Variants in VIPR2 observed in about 807,000 individuals in gnomAD.
VIPR2 encodes the protein vasoactive intestinal peptide receptor 2, also known as vasoactive intestinal polypeptide receptor 2.
VIPR2 carries 48 observed loss-of-function variants against 58.0 expected under a neutral mutation model. The observed-to-expected ratio is 0.83, with a 90% CI of 0.66 to 1.05. The LOEUF (loss-of-function observed/expected upper bound fraction) is 1.05, where lower values mean the gene tolerates loss of function less well. VIPR2 is among the 50% of genes least tolerant of loss of function. VIPR2 has a pLI of 0.00. For missense variants in VIPR2, 534 were observed against 558.0 expected (o/e 0.96, Z 0.43); for synonymous variants, 243 against 235.2 (o/e 1.03, Z -0.30).
chr7:159,134,605 G>T (rs1396373996), intron 2 of VIPR2, among the ~76,000 whole-genome samples: 1 of 151,920 alleles, frequency 6.6e-6, no homozygotes, highest in Non-Finnish European at 1.5e-5. Flanking sequence ...GTTAAAAAAA[G>T]CTTCAAGTAC....
At chr7:159,089,638 C>T (rs1019306191) in intron 4 of VIPR2, among the ~76,000 whole-genome samples, 4 of 152,238 alleles carry the variant, frequency 2.6e-5, no homozygotes, top group African/African-American at 9.6e-5. Context: ...TGATTTCTGT[C>T]AGCAAGGAAA....
At chr7:159,118,792 C>T (rs112513801) in intron 2 of VIPR2, among the ~76,000 whole-genome samples, 60 of 152,400 alleles carry the variant, frequency 3.9e-4, no homozygotes, top group African/African-American at 1.3e-3. Context: ...GTGGCTCCCA[C>T]GGTCACTTGG....
chr7:159,073,330 G>A (rs1856495785), intron 4 of VIPR2, among the ~76,000 whole-genome samples: 1 of 152,124 alleles, frequency 6.6e-6, no homozygotes, highest in South Asian at 2.1e-4. Context: ...ATGCAAAGAT[G>A]ACACATGCTT....
intron 5 of VIPR2, among the ~76,000 whole-genome samples, chr7:159,053,999 G>A (rs1363763638): frequency 2.6e-5 from 4 of 152,198 alleles, no homozygotes; most frequent in Non-Finnish European, 5.9e-5. Flanking sequence ...TTAAAGGCAG[G>A]GTAATTATAA....
intron 4 of VIPR2, among the ~76,000 whole-genome samples, chr7:159,101,386 T>TCCC (rs748546725): frequency 4.6e-4 from 53 of 116,166 alleles, no homozygotes; most frequent in Admixed American, 9.3e-4. Flanking sequence ...ACGAGGCGGT[T>TCCC]CCGACCGTTC....
rs191319183 is a variant in VIPR2, at chr7:159,063,230, C to T, written c.358-4652G>A. ...GGCTAGACGGTGCAGGAGTCCACGG[C>T]GGGGTGGGGGGAGACTCGGGCATGG... On this transcript the variant is annotated intron_variant, in intron 4 of 12. Transcript: ENST00000262178. Among the ~76,000 whole-genome samples the T allele has an allele frequency of 1.7e-3, 262 of 151,804 alleles. 1 individual carries two copies. The highest frequency in any genetic ancestry group is 3.0e-3 in the Non-Finnish European group (201 of 67,978).
intron 4 of VIPR2, among the ~76,000 whole-genome samples, chr7:159,102,891 G>C (rs568022963): frequency 1.3e-5 from 2 of 152,322 alleles, no homozygotes; most frequent in East Asian, 1.9e-4. Context: ...CCTGTGCAGG[G>C]AGCACACTCT....
At chr7:159,063,541 C>T (rs899138033) in intron 4 of VIPR2, among the ~76,000 whole-genome samples, 1 of 151,942 alleles carries the variant, frequency 6.6e-6, no homozygotes, top group African/African-American at 2.4e-5. Context: ...GCTGAGGGAG[C>T]CGGCTCTGGC....
chr7:159,131,691 A>G (rs1796920490), intron 2 of VIPR2, among the ~76,000 whole-genome samples: 1 of 152,012 alleles, frequency 6.6e-6, no homozygotes, highest in South Asian at 2.1e-4. Context: ...GGCTTAATAA[A>G]CCTCTTGAAA....
chr7:159,118,073 G>C (rs894828336), intron 2 of VIPR2, among the ~76,000 whole-genome samples: 2 of 152,196 alleles, frequency 1.3e-5, no homozygotes, highest in African/African-American at 4.8e-5. Context: ...GAGAGGCCGG[G>C]GGCGTCCCAG....
At chr7:159,120,027 C>T (rs2129496815) in intron 2 of VIPR2, among the ~76,000 whole-genome samples, 1 of 152,214 alleles carries the variant, frequency 6.6e-6, no homozygotes, top group South Asian at 2.1e-4. Context: ...TGTGCTGGGG[C>T]CACCCTCAGC....
chr7:159,058,371 T>C (rs1382923926), intron 5 of VIPR2, 110 bp downstream of exon 5: 2 of 814,348 alleles, frequency 2.5e-6, no homozygotes, highest in Non-Finnish European at 4.2e-6. Context: ...CATGGGAGTC[T>C]TATTGGCTTA....
chr7:159,117,470 C>A, intron 2 of VIPR2: 1 of 712,212 alleles, frequency 1.4e-6, no homozygotes. Context: ...AAAGGCAATG[C>A]AGGACGTCAT....
chr7:159,077,986 C>T (rs1359099959), intron 4 of VIPR2, among the ~76,000 whole-genome samples: 1 of 152,220 alleles, frequency 6.6e-6, no homozygotes, highest in Non-Finnish European at 1.5e-5. Context: ...TGCCCTTTCC[C>T]TCACTCCCTG....
At chr7:159,105,221 G>A (rs146681518) in intron 3 of VIPR2, among the ~76,000 whole-genome samples, 38 of 152,272 alleles carry the variant, frequency 2.5e-4, no homozygotes, top group African/African-American at 8.7e-4. Context: ...CTTGCCCCGA[G>A]CATGGCTGCA....
chr7:159,100,065 C>T (rs927508789), intron 4 of VIPR2, among the ~76,000 whole-genome samples: 1 of 152,152 alleles, frequency 6.6e-6, no homozygotes, highest in Non-Finnish European at 1.5e-5. Flanking sequence ...TGGGGGACAG[C>T]GCATCTTAGA....
At chr7:159,041,052 A>G (rs1389517802) in intron 6 of VIPR2, among the ~76,000 whole-genome samples, 1 of 152,200 alleles carries the variant, frequency 6.6e-6, no homozygotes, top group Admixed American at 6.5e-5. Flanking sequence ...GGGGCCCCAC[A>G]TGCACCTGGG....
chr7:159,040,862 C>T (rs1475777302), intron 6 of VIPR2, among the ~76,000 whole-genome samples: 1 of 152,236 alleles, frequency 6.6e-6, no homozygotes, highest in East Asian at 1.9e-4. Flanking sequence ...TCAGGCATCT[C>T]CCCTCCCTCC....
chr7:159,101,854 C>T lies in VIPR2; in HGVS notation c.357+1903G>A, dbSNP rs557405055. On this transcript the variant is annotated intron_variant, in intron 4 of 12. Coordinates refer to ENST00000262178, the MANE Select transcript of VIPR2 (RefSeq NM_003382.5). ...GGTAGTGAACGGGTCTCACGAGATC[C>T]GACGAGGCGGTTCCCACTGTTCCTG... Among the ~76,000 whole-genome samples the T allele has an allele frequency of 2.6e-4, 37 of 144,544 alleles. 2 individuals are homozygous for T. Among genetic ancestry groups the T allele is most frequent in the African/African-American group, 8.5e-4 (32 of 37,438 alleles). 94.8% of individuals were successfully genotyped at this position (144,544 alleles called of 152,430 possible). A position where few individuals can be genotyped will look rare whatever the true frequency, so the allele number is the denominator to read the frequency against.
Sources: gnomAD v4.1 joint callset for allele counts (sites outside exome capture counted in the v4.1 genomes callset) on GRCh38, gnomAD v4.1.1 for gene constraint, MANE v1.5 for transcripts, NCBI Gene and HGNC (gene_info 2026-07-23, HGNC 2026-07-21) for gene names.